CMSS1: variants seen among roughly 807,000 people sequenced by gnomAD.
CMSS1 encodes cms1 ribosomal small subunit homolog, also known as protein CMSS1.
In CMSS1, 33 loss-of-function variants were observed where a neutral mutation model predicts 43.5. That is an observed-to-expected ratio of 0.76 (90% CI 0.57 to 1.01). The LOEUF (loss-of-function observed/expected upper bound fraction) is 1.01, where lower values mean the gene tolerates loss of function less well. Among genes scored for constraint, CMSS1 ranks in the 50% least tolerant of loss-of-function variants. The pLI, the probability that CMSS1 is intolerant of heterozygous loss-of-function variation, is 0.00. For synonymous variants in CMSS1, 115 were observed against 117.2 expected (o/e 0.98, Z 0.12); for missense variants, 313 against 326.4 (o/e 0.96, Z 0.32).
rs1242652792 is a variant in CMSS1 at position 100,095,161 on chromosome 3, A to G, written c.65-51812A>G. ...TAGTTAAAAAAGTCTTGAAATAGGT[A>G]CACTGATTCCTCCCACTTTCTCTTC... On this transcript the variant is annotated intron_variant, in intron 1 of 9. Coordinates refer to ENST00000421999, the MANE Select transcript of CMSS1 (RefSeq NM_032359.4). 2.6e-5 allele frequency among the ~76,000 whole-genome samples: 4 copies of G among 152,174 alleles called. No homozygotes were observed. The East Asian group carries it at 7.7e-4, about 29-fold the overall frequency.
intron 1 of CMSS1, among the ~76,000 whole-genome samples, chr3:100,085,192 G>A (rs1046248207): frequency 7.9e-5 from 12 of 152,150 alleles, no homozygotes; most frequent in African/African-American, 2.9e-4. Context: ...AAGTATCTAA[G>A]GTGATTATAC....
intron 1 of CMSS1, among the ~76,000 whole-genome samples, chr3:100,085,415 T>G (rs1287121884): frequency 6.6e-6 from 1 of 152,206 alleles, no homozygotes; most frequent in African/African-American, 2.4e-5. Context: ...GGTCTTTTTA[T>G]ACAAATGTTG....
At chr3:99,964,196 A>G (rs1024604624) in intron 1 of CMSS1, 1 of 152,316 alleles carries the variant, frequency 6.6e-6, no homozygotes, top group African/African-American at 2.4e-5. Context: ...TTCCAAATCC[A>G]TTACGCTTCA....
intron 1 of CMSS1, among the ~76,000 whole-genome samples, chr3:100,002,628 AT>A (rs1337261584): frequency 1.3e-5 from 2 of 152,340 alleles, no homozygotes; most frequent in African/African-American, 4.8e-5. Flanking sequence ...TGTCCATCAT[AT>A]GGGTGTGATT....
chr3:99,970,278 G>T (rs995153863), intron 1 of CMSS1, among the ~76,000 whole-genome samples: 3 of 152,218 alleles, frequency 2.0e-5, no homozygotes, highest in African/African-American at 7.2e-5. Flanking sequence ...CAGGCAGTCT[G>T]GCTTTAGAGG....
At position 100,178,920 on chromosome 3, in the gene CMSS1, C is replaced by G. The variant is rs1300905067; in HGVS notation, c.*532C>G. On this transcript the variant is annotated 3_prime_UTR_variant, in exon 10 of 10. Coordinates refer to ENST00000421999, the MANE Select transcript of CMSS1 (RefSeq NM_032359.4). ...ATAAAGAAAAGAGGTTTAATTGACT[C>G]ACAGTTTCACAGGCTGTACAGGAGG... 3 of 154,140 alleles carry G rather than the reference C, an allele frequency of 1.9e-5. No homozygotes were observed. Among genetic ancestry groups the G allele is most frequent in the African/African-American group, 7.2e-5 (3 of 41,468 alleles). 9.5% of individuals were successfully genotyped at this position (154,140 alleles called of 1,614,324 possible). A position where few individuals can be genotyped will look rare whatever the true frequency, so the allele number is the denominator to read the frequency against.
chr3:99,894,890 T>C (rs1706199323), intron 1 of CMSS1, among the ~76,000 whole-genome samples: 1 of 152,226 alleles, frequency 6.6e-6, no homozygotes, highest in Admixed American at 6.5e-5. Flanking sequence ...CAAGCTATAT[T>C]TAGGTCAGCT....
At chr3:100,084,513 G>A (rs1218303952) in intron 1 of CMSS1, among the ~76,000 whole-genome samples, 3 of 152,108 alleles carry the variant, frequency 2.0e-5, no homozygotes, top group Non-Finnish European at 4.4e-5. Flanking sequence ...TTGTTTAAAA[G>A]GAACAGCCAC....
chr3:99,887,544 T>G (rs371506751), intron 1 of CMSS1, among the ~76,000 whole-genome samples: 128 of 152,332 alleles, frequency 8.4e-4, no homozygotes, highest in Admixed American at 1.6e-3. Context: ...TAGTGGGTTC[T>G]GGGTTTTAAC....
At chr3:100,114,963 T>A (rs750314915) in intron 1 of CMSS1, 1 of 1,535,946 alleles carries the variant, frequency 6.5e-7, no homozygotes, top group South Asian at 1.2e-5. Context: ...GGCAAAGTGC[T>A]GAGGAAACTC....
intron 1 of CMSS1, among the ~76,000 whole-genome samples, chr3:100,047,483 AT>A (rs1398313172): frequency 6.6e-6 from 1 of 152,208 alleles, no homozygotes; most frequent in Non-Finnish European, 1.5e-5. Flanking sequence ...AAAGAATACC[AT>A]TATTATTCAT....
At chr3:100,149,934 C>T (rs953359837) in intron 2 of CMSS1, among the ~76,000 whole-genome samples, 3 of 152,108 alleles carry the variant, frequency 2.0e-5, no homozygotes, top group Non-Finnish European at 2.9e-5. Context: ...TGCCCTATCC[C>T]TCCTCCAACC....
intron 1 of CMSS1, among the ~76,000 whole-genome samples, chr3:99,932,852 G>A (rs980258506): frequency 6.6e-6 from 1 of 152,078 alleles, no homozygotes; most frequent in Admixed American, 6.5e-5. Flanking sequence ...GATCGCGCCC[G>A]GCACTCCAGC....
intron 1 of CMSS1, among the ~76,000 whole-genome samples, chr3:99,911,071 A>G (rs1706771941): frequency 6.6e-6 from 1 of 152,090 alleles, no homozygotes; most frequent in African/African-American, 2.4e-5. Context: ...TAATTAGCCA[A>G]TTTTAGGCTA....
chr3:99,976,140 C>T (rs1457191520), intron 1 of CMSS1, among the ~76,000 whole-genome samples: 4 of 152,124 alleles, frequency 2.6e-5, no homozygotes, highest in African/African-American at 9.7e-5. Flanking sequence ...CCGCCTCAGC[C>T]TCCCAAAGTA....
chr3:100,052,241 C>T (rs2065386409), intron 1 of CMSS1, among the ~76,000 whole-genome samples: 1 of 152,232 alleles, frequency 6.6e-6, no homozygotes, highest in Non-Finnish European at 1.5e-5. Context: ...TACTAATACA[C>T]TCCATTGGAG....
chr3:99,970,988 G>A (rs1382918593), intron 1 of CMSS1, among the ~76,000 whole-genome samples: 1 of 152,108 alleles, frequency 6.6e-6, no homozygotes, highest in Non-Finnish European at 1.5e-5. Context: ...TGAAGAGGAG[G>A]GGCTGTATTC....
chr3:99,860,377 G>A (rs1418429655), intron 1 of CMSS1, among the ~76,000 whole-genome samples: 1 of 152,134 alleles, frequency 6.6e-6, no homozygotes, highest in African/African-American at 2.4e-5. Flanking sequence ...TAAGGAGCTT[G>A]GTAGCTTTTA....
intron 2 of CMSS1, among the ~76,000 whole-genome samples, chr3:100,159,559 C>G (rs1009034720): frequency 6.6e-6 from 1 of 152,194 alleles, no homozygotes; most frequent in Non-Finnish European, 1.5e-5. Context: ...TCAAGGAAAA[C>G]TCAGAATAAG....
Sources: gnomAD v4.1 joint callset for allele counts (sites outside exome capture counted in the v4.1 genomes callset) on GRCh38, gnomAD v4.1.1 for gene constraint, MANE v1.5 for transcripts, NCBI Gene and HGNC (gene_info 2026-07-23, HGNC 2026-07-21) for gene names.